RBFOX1: variants seen among roughly 807,000 people sequenced by gnomAD.
RBFOX1 encodes RNA binding protein fox-1 homolog 1.
A neutral mutation model predicts 57.7 loss-of-function variants in RBFOX1; 8 were observed. The observed-to-expected ratio is 0.14, with a 90% CI of 0.08 to 0.25. RBFOX1 has a LOEUF of 0.25. Among genes scored for constraint, RBFOX1 ranks in the 10% least tolerant of loss-of-function variants. The pLI, the probability that RBFOX1 is intolerant of heterozygous loss-of-function variation, is 1.00. For synonymous variants in RBFOX1, 326 were observed against 222.4 expected (o/e 1.47, Z -4.15); for missense variants, 611 against 548.5 (o/e 1.11, Z -1.14).
intron 1 of RBFOX1, among the ~76,000 whole-genome samples, chr16:6,039,840 T>G (rs1200714478): frequency 1.3e-5 from 2 of 152,236 alleles, no homozygotes; most frequent in African/African-American, 4.8e-5. Context: ...TGGCTGGCGC[T>G]GTGTCACCTG....
intron 3 of RBFOX1, among the ~76,000 whole-genome samples, chr16:5,827,876 TCC>T (rs2056122105): frequency 1.2e-5 from 1 of 83,076 alleles, no homozygotes; most frequent in Non-Finnish European, 2.3e-5. Context: ...CTTTTGTCCA[TCC>T]ATCCATCCAT....
At chr16:7,125,286 A>G (rs976071369) in intron 4 of RBFOX1, among the ~76,000 whole-genome samples, 2 of 152,126 alleles carry the variant, frequency 1.3e-5, no homozygotes, top group African/African-American at 4.8e-5. Flanking sequence ...CAGCATCCTC[A>G]TTTGTGCAGT....
chr16:6,241,158 A>C (rs1055420455), intron 1 of RBFOX1, among the ~76,000 whole-genome samples: 6 of 152,214 alleles, frequency 3.9e-5, no homozygotes, highest in Non-Finnish European at 8.8e-5. Flanking sequence ...CCAGCACCCC[A>C]ACGCCCCTGC....
chr16:5,288,411 A>G (rs182634077), intron 1 of RBFOX1, among the ~76,000 whole-genome samples: 1 of 152,208 alleles, frequency 6.6e-6, no homozygotes, highest in African/African-American at 2.4e-5. Flanking sequence ...AACATTCTAA[A>G]TAAATGCAGG....
intron 4 of RBFOX1, among the ~76,000 whole-genome samples, chr16:7,376,991 T>C (rs1479096262): frequency 6.6e-6 from 1 of 152,194 alleles, no homozygotes; most frequent in Admixed American, 6.5e-5. Flanking sequence ...GTCAGGTGGT[T>C]GCTTGGAAAA....
At chr16:7,273,172 CCCTCCCTTCCTT>C (rs1192199369) in intron 4 of RBFOX1, among the ~76,000 whole-genome samples, 1 of 95,726 alleles carries the variant, frequency 1.0e-5, no homozygotes, top group Non-Finnish European at 2.1e-5. Flanking sequence ...TTTCCTCTCT[CCCTCCCTTCCTT>C]CCTCCCTTCC....
chr16:6,930,544 G>C (rs1394330345), intron 3 of RBFOX1, among the ~76,000 whole-genome samples: 1 of 151,972 alleles, frequency 6.6e-6, no homozygotes, highest in Admixed American at 6.6e-5. Flanking sequence ...CAAGCAGTTG[G>C]GATTACAGGT....
chr16:7,090,265 T>C (rs1451443415), intron 4 of RBFOX1, among the ~76,000 whole-genome samples: 2 of 152,244 alleles, frequency 1.3e-5, no homozygotes, highest in Admixed American at 1.3e-4. Context: ...ACTCCTGTCA[T>C]TGTTTCTTAA....
chr16:5,740,738 G>C (rs984240538), intron 3 of RBFOX1, among the ~76,000 whole-genome samples: 4 of 152,202 alleles, frequency 2.6e-5, no homozygotes, highest in African/African-American at 9.6e-5. Flanking sequence ...CAAAAGGGCT[G>C]TGGGTACTCT....
At chr16:6,746,701 T>C (rs1014162345) in intron 3 of RBFOX1, among the ~76,000 whole-genome samples, 2 of 152,046 alleles carry the variant, frequency 1.3e-5, no homozygotes, top group African/African-American at 4.8e-5. Context: ...AAGTGTTGTC[T>C]TATTAATCCT....
chr16:7,191,313 C>G (rs561095774), intron 4 of RBFOX1, among the ~76,000 whole-genome samples: 2 of 147,898 alleles, frequency 1.4e-5, no homozygotes, highest in African/African-American at 5.0e-5. Context: ...TCTAATAAGA[C>G]GTATAATCCG....
chr16:6,372,777 G>A (rs1054095489), intron 2 of RBFOX1, among the ~76,000 whole-genome samples: 1 of 152,016 alleles, frequency 6.6e-6, no homozygotes, highest in Non-Finnish European at 1.5e-5. Context: ...TGTTGGGTAG[G>A]AGTATTGTTG....
intron 1 of RBFOX1, among the ~76,000 whole-genome samples, chr16:6,264,128 G>T (rs1029327692): frequency 2.0e-5 from 3 of 152,186 alleles, no homozygotes; most frequent in Non-Finnish European, 2.9e-5. Context: ...TCTACTGCCT[G>T]CCCATTGCTT....
At chr16:7,421,006 C>T (rs1378974166) in intron 4 of RBFOX1, among the ~76,000 whole-genome samples, 1 of 151,094 alleles carries the variant, frequency 6.6e-6, no homozygotes, top group East Asian at 1.9e-4. Flanking sequence ...GCTGTACAGA[C>T]GTGGGAGGCG....
chr16:5,802,876 C>G (rs1354237522), intron 3 of RBFOX1, among the ~76,000 whole-genome samples: 1 of 152,176 alleles, frequency 6.6e-6, no homozygotes, highest in Non-Finnish European at 1.5e-5. Context: ...ATTCATTAAT[C>G]ATACAGTTAT....
rs745513201 is a variant in RBFOX1, at chr16:7,607,316, C to G, written c.654C>G (p.Val218=). 7 of 1,610,914 alleles carry G rather than the reference C, an allele frequency of 4.3e-6. No homozygotes were observed. Among genetic ancestry groups the G allele is most frequent in the Non-Finnish European group, 5.1e-6 (6 of 1,179,254 alleles). ...AATTGAATCCAGTTGTGGGTGCAGT[C>G]TACAGTCCCGAATTCTATGCAGGTA... ...GWKLNPVVGA[V]YSPEFYAGTV... Residue 218 remains valine, a synonymous_variant, in exon 10 of 16, where the codon GTC becomes GTG. Coordinates refer to ENST00000550418, the MANE Select transcript of RBFOX1 (RefSeq NM_018723.4).
intron 3 of RBFOX1, among the ~76,000 whole-genome samples, chr16:6,656,599 G>GACACACAC (rs60723864): frequency 0.099 from 14,510 of 146,262 alleles, 745 homozygotes; most frequent in East Asian, 0.13. Flanking sequence ...GGGGAAAATA[G>GACACACAC]ACACACACAC....
chr16:7,203,781 A>T (rs781315283), intron 4 of RBFOX1, among the ~76,000 whole-genome samples: 1 of 152,170 alleles, frequency 6.6e-6, no homozygotes, highest in African/African-American at 2.4e-5. Flanking sequence ...CTCATAACCC[A>T]CCAAGCAAAG....
At chr16:6,798,688 T>A (rs558118290) in intron 3 of RBFOX1, among the ~76,000 whole-genome samples, 2 of 152,332 alleles carry the variant, frequency 1.3e-5, no homozygotes, top group Non-Finnish European at 2.9e-5. Flanking sequence ...TTTCACTAAT[T>A]AAGTTGTTTA....
Sources: allele counts gnomAD v4.1 joint callset (sites outside exome capture counted in the v4.1 genomes callset), GRCh38; gene constraint gnomAD v4.1.1; transcripts MANE v1.5; gene names NCBI Gene and HGNC (gene_info 2026-07-23, HGNC 2026-07-21).